Variants in UACA observed in about 807,000 individuals in gnomAD.
UACA encodes the protein nuclear membrane binding protein.
In UACA, 112 loss-of-function variants were observed where a neutral mutation model predicts 160.5. The ratio of observed to expected loss-of-function variants is 0.70; its 90% CI spans 0.60 to 0.82. The LOEUF (loss-of-function observed/expected upper bound fraction) is 0.82. Among genes scored for constraint, UACA ranks in the 40% least tolerant of loss-of-function variants. UACA has a pLI of 0.00. For synonymous variants in UACA, 557 were observed against 568.4 expected (o/e 0.98, Z 0.29); for missense variants, 1,574 against 1,614.6 (o/e 0.97, Z 0.43).
chr15:70,669,244 T>G lies in UACA; in HGVS notation c.1440A>C (p.Glu480Asp). Reference sequence around the variant, plus strand: ...CTGAATCCTCCTTGACCCTTTCACATTCTAATGCTAAAGCTTTGCATTCTG... The same window carrying G: ...CTGAATCCTCCTTGACCCTTTCACAGTCTAATGCTAAAGCTTTGCATTCTG... Reference protein sequence around the residue: ...KVAECKALALECERVKEDSDE... With the variant: ...KVAECKALALDCERVKEDSDE... The change falls in exon 16 of 19, where the codon GAA (glutamate) becomes GAC (aspartate). Residue 480 changes from glutamate (E) to aspartate (D), a missense_variant. Transcript: ENST00000322954. The G allele has an allele frequency of 6.2e-7, 1 of 1,614,102 alleles. No individual in the cohort carries two copies. The highest frequency in any genetic ancestry group is 8.5e-7 in the Non-Finnish European group (1 of 1,179,994).
chr15:70,679,709 A>C, intron 9 of UACA, 33 bp from the exon 10 acceptor site: 1 of 1,415,410 alleles, frequency 7.1e-7, no homozygotes, highest in Non-Finnish European at 9.8e-7. Context: ...ACGGGTCAGC[A>C]AGTGTAAGAA....
intron 1 of UACA, among the ~76,000 whole-genome samples, chr15:70,699,981 C>A (rs751431760): frequency 5.9e-5 from 9 of 152,024 alleles, no homozygotes; most frequent in Non-Finnish European, 1.2e-4. Flanking sequence ...TACCCTGTAC[C>A]AGGCACTAAA....
intron 1 of UACA, among the ~76,000 whole-genome samples, chr15:70,707,046 G>A (rs1279005992): frequency 6.6e-6 from 1 of 152,178 alleles, no homozygotes; most frequent in African/African-American, 2.4e-5. Context: ...ATATTATGAA[G>A]CTATAGTAAT....
intron 1 of UACA, among the ~76,000 whole-genome samples, chr15:70,700,195 C>T (rs1412695477): frequency 6.6e-6 from 1 of 151,454 alleles, no homozygotes; most frequent in Non-Finnish European, 1.5e-5. Flanking sequence ...GCTCCTAGGA[C>T]TCTTAGATGC....
At chr15:70,692,624 G>C (rs1315116169) in intron 3 of UACA, among the ~76,000 whole-genome samples, 1 of 152,104 alleles carries the variant, frequency 6.6e-6, no homozygotes, top group Non-Finnish European at 1.5e-5. Flanking sequence ...ATAAAAATTA[G>C]TCAGGTGTGG....
At chr15:70,757,006 A>C (rs1053568578) in intron 1 of UACA, among the ~76,000 whole-genome samples, 1 of 152,226 alleles carries the variant, frequency 6.6e-6, no homozygotes, top group East Asian at 1.9e-4. Context: ...ATTGTTTCAT[A>C]AACTTTTACT....
the UACA span, among the ~76,000 whole-genome samples, chr15:70,776,425 CT>C: frequency 0.041 from 5,167 of 125,296 alleles, 193 homozygotes; most frequent in African/African-American, 0.14. Flanking sequence ...CCTCAAATGT[CT>C]TTTTTTTTTT....
intron 4 of UACA, among the ~76,000 whole-genome samples, 185 bp from the exon 5 acceptor site, chr15:70,690,696 T>A (rs1007211482): frequency 6.6e-6 from 1 of 152,098 alleles, no homozygotes; most frequent in Non-Finnish European, 1.5e-5. Flanking sequence ...ATAACTAAAT[T>A]AACAATGTTT....
chr15:70,762,822 G>T (rs1412300525), intron 1 of UACA, among the ~76,000 whole-genome samples: 1 of 152,242 alleles, frequency 6.6e-6, no homozygotes, highest in African/African-American at 2.4e-5. Flanking sequence ...AGGGCTTGAC[G>T]CTGTCTCAGA....
chr15:70,718,917 C>T (rs1447092465), intron 1 of UACA, among the ~76,000 whole-genome samples: 1 of 151,954 alleles, frequency 6.6e-6, no homozygotes, highest in Non-Finnish European at 1.5e-5. Context: ...AATTGAATAA[C>T]TTGGCAAAAA....
At chr15:70,669,688 G>GT (rs1897071373) in intron 15 of UACA, among the ~76,000 whole-genome samples, 1 of 152,132 alleles carries the variant, frequency 6.6e-6, no homozygotes, top group Non-Finnish European at 1.5e-5. Flanking sequence ...TTCTGTTCAC[G>GT]TAAGTCTATT....
chr15:70,690,994 C>CTA (rs1308345462), intron 4 of UACA, among the ~76,000 whole-genome samples: 1 of 152,004 alleles, frequency 6.6e-6, no homozygotes, highest in East Asian at 1.9e-4. Flanking sequence ...TATACAGGTC[C>CTA]TATGTTGTAT....
intron 1 of UACA, among the ~76,000 whole-genome samples, chr15:70,722,237 A>G (rs1595910132): frequency 6.6e-6 from 1 of 152,232 alleles, no homozygotes; most frequent in East Asian, 1.9e-4. Context: ...CATATAGTAG[A>G]AAAATAATAC....
chr15:70,657,702 G>A (rs1224984695), intron 18 of UACA, among the ~76,000 whole-genome samples: 1 of 152,102 alleles, frequency 6.6e-6, no homozygotes, highest in East Asian at 1.9e-4. Flanking sequence ...TGGATGATAG[G>A]GGCAGCATAA....
At chr15:70,676,090 C>T (rs1187481732) in intron 13 of UACA, among the ~76,000 whole-genome samples, 2 of 152,142 alleles carry the variant, frequency 1.3e-5, no homozygotes, top group Admixed American at 1.3e-4. Flanking sequence ...GAATCAGCTG[C>T]CTTCAGTGAT....
chr15:70,690,451 C>T lies in UACA; in HGVS notation c.424+3G>A, dbSNP rs746692505. 6.2e-7 allele frequency: 1 copy of T among 1,612,608 alleles called. No homozygotes were observed. Among genetic ancestry groups the T allele is most frequent in the South Asian group, 1.1e-5 (1 of 90,784 alleles). On this transcript the variant is annotated splice_donor_region_variant and intron_variant, in intron 5 of 18. Coordinates refer to ENST00000322954, the MANE Select transcript of UACA (RefSeq NM_018003.4). Reference sequence around the variant, plus strand: ...TTTGTATCCAAGGGAAACCACTGCTCACCGGCATCGTGAAGTGCAGTTCTT... The same window carrying T: ...TTTGTATCCAAGGGAAACCACTGCTTACCGGCATCGTGAAGTGCAGTTCTT...
At chr15:70,737,665 G>A (rs1045749052) in intron 1 of UACA, among the ~76,000 whole-genome samples, 5 of 152,220 alleles carry the variant, frequency 3.3e-5, no homozygotes, top group East Asian at 1.9e-4. Context: ...CTGAGATCGC[G>A]CCACTGTACT....
chr15:70,714,966 A>G (rs149392400), intron 1 of UACA, among the ~76,000 whole-genome samples: 45 of 152,352 alleles, frequency 3.0e-4, no homozygotes, highest in African/African-American at 9.9e-4. Context: ...AAATATATAC[A>G]TAGATCTTAA....
At chr15:70,769,179 A>C in the UACA span, among the ~76,000 whole-genome samples, 1 of 152,054 alleles carries the variant, frequency 6.6e-6, no homozygotes, top group Middle Eastern at 3.4e-3. Flanking sequence ...TAACACGGTG[A>C]AACCCCATCT....
Sources: gnomAD v4.1 joint callset for allele counts (sites outside exome capture counted in the v4.1 genomes callset) on GRCh38, gnomAD v4.1.1 for gene constraint, MANE v1.5 for transcripts, NCBI Gene and HGNC (gene_info 2026-07-23, HGNC 2026-07-21) for gene names.